The following ZDHHC1 variants were observed in gnomAD, a reference collection of about 807,000 sequenced individuals.
ZDHHC1 encodes the protein palmitoyltransferase ZDHHC1.
Under a neutral mutation model 46.9 loss-of-function variants are expected in ZDHHC1, and 45 were observed. The ratio of observed to expected loss-of-function variants is 0.96; its 90% CI spans 0.76 to 1.23. ZDHHC1 has a LOEUF of 1.23. Among genes scored for constraint, ZDHHC1 ranks in the 50% most tolerant of loss-of-function variants. The pLI is 0.00. For missense variants in ZDHHC1, 649 were observed against 670.8 expected, an observed-to-expected ratio of 0.97 and a Z score of 0.36; for synonymous variants, 291 against 286.0, an observed-to-expected ratio of 1.02 and a Z score of -0.18.
In ZDHHC1 at chr16:67,394,695, C is replaced by A; in HGVS notation, c.1364G>T (p.Arg455Leu). Residue 455 changes from arginine (R) to leucine (L), a missense_variant, in exon 12 of 12, where the codon CGG becomes CTG. Arg to Leu is a moderately radical substitution (Grantham distance 102). Coordinates refer to ENST00000565726, the MANE Select transcript of ZDHHC1 (RefSeq NM_001323627.2). ...GAAAACGGCGGGCGCACGCGCCTGC[C>A]GCGCCAGCGTGGGCTGTCGGCCCCG... ...RGRGRQPTLA[R>L]QARAPAVFVS... The A allele has an allele frequency of 7.8e-7, 1 of 1,290,086 alleles. No homozygotes were observed. The highest frequency in any genetic ancestry group is 2.4e-5 in the South Asian group (1 of 40,856). The allele number at this position is 1,290,086 out of a possible 1,614,324, so 79.9% of individuals were successfully genotyped here.
intron 1 of ZDHHC1, among the ~76,000 whole-genome samples, chr16:67,415,088 T>C (rs2040811713): frequency 6.6e-6 from 1 of 151,862 alleles, no homozygotes. Context: ...TGAGCCGAGA[T>C]TGTGCCATTG....
intron 2 of ZDHHC1, among the ~76,000 whole-genome samples, chr16:67,407,258 T>C (rs1419315234): frequency 6.6e-6 from 1 of 151,916 alleles, no homozygotes. Context: ...CAAGAAGGGG[T>C]AGGCTACAGG....
chr16:67,401,109 G>T lies in ZDHHC1; in HGVS notation c.276C>A (p.Gly92=). 2 of 1,614,002 alleles carry T rather than the reference G, an allele frequency of 1.2e-6. No individual in the cohort carries two copies. Among genetic ancestry groups the T allele is most frequent in the Non-Finnish European group, 1.7e-6 (2 of 1,180,020 alleles). ...CGGCGGTCAGGTGCACCACAAGGTG[G>T]CCAGCAAAGATGGCGCCCATGCACT... ...GYACMGAIFA[G]HLVVHLTAVS... Residue 92 remains glycine (G), a synonymous_variant, in exon 4 of 12, where the codon GGC becomes GGA. Coordinates refer to ENST00000565726, the MANE Select transcript of ZDHHC1 (RefSeq NM_001323627.2). The surrounding 1 kb of genome is among the most constrained non-coding windows in gnomAD (Gnocchi z 4.6).
chr16:67,400,853 T>C, intron 4 of ZDHHC1, 104 bp downstream of exon 4: 2 of 1,354,326 alleles, frequency 1.5e-6, no homozygotes, highest in African/African-American at 1.4e-5. Context: ...GCATAAAACA[T>C]GAGGGTTCTG....
At chr16:67,410,960 G>A (rs944932752) in intron 1 of ZDHHC1, among the ~76,000 whole-genome samples, 21 of 152,072 alleles carry the variant, frequency 1.4e-4, no homozygotes, top group African/African-American at 2.7e-4. Context: ...GAGCCACCAC[G>A]CCCTGCCTGC....
rs146786360 is a variant in ZDHHC1, at chr16:67,406,903, G to C, written c.10-461C>G. ...CCGCTATCCTTTGCTCAGGGAAACG[G>C]GGAATGGGGTGCCCAGAAGGAGGAT... On this transcript the variant is annotated intron_variant, in intron 2 of 11. Transcript: ENST00000565726. This position sits in a 1 kb window ranked among gnomAD's most constrained non-coding sequence, Gnocchi z 4.1. Among the ~76,000 whole-genome samples, 402 of 152,302 alleles carry C rather than the reference G, an allele frequency of 2.6e-3. 3 individuals carry two copies. Among genetic ancestry groups the C allele is most frequent in the African/African-American group, 9.3e-3 (387 of 41,572 alleles).
chr16:67,394,715 G>A lies in ZDHHC1; in HGVS notation c.1344C>T (p.Gly448=). The change falls in exon 12 of 12, where the codon GGC becomes GGT. Residue 448 remains glycine, a synonymous_variant. Transcript: ENST00000565726. Reference sequence around the variant, plus strand: ...CCTGCCGCGCCAGCGTGGGCTGTCGGCCCCGGCCCCGCGGGGCGGCCAGAG... The same window carrying A: ...CCTGCCGCGCCAGCGTGGGCTGTCGACCCCGGCCCCGCGGGGCGGCCAGAG... ...SAALAAPRGR[G]RQPTLARQAR... 2 of 1,362,778 alleles carry A rather than the reference G, an allele frequency of 1.5e-6. No individual in the cohort carries two copies. Among genetic ancestry groups the A allele is most frequent in the Non-Finnish European group, 1.9e-6 (2 of 1,063,072 alleles). The allele number at this position is 1,362,778 out of a possible 1,614,324, so 84.4% of individuals were successfully genotyped here. A position where few individuals can be genotyped will look rare whatever the true frequency, so the allele number is the denominator to read the frequency against.
At chr16:67,400,321 G>T (rs548909482) in intron 4 of ZDHHC1, among the ~76,000 whole-genome samples, 1 of 152,188 alleles carries the variant, frequency 6.6e-6, no homozygotes, top group Admixed American at 6.5e-5. Flanking sequence ...CTCCAGAAGG[G>T]TGGAGAGGGG....
At position 67,416,378 on chromosome 16, in the gene ZDHHC1, T is replaced by TGGCTCTGGCTCC. The variant is rs1555517287; in HGVS notation, c.-247_-246insGGAGCCAGAGCC. The TGGCTCTGGCTCC allele has an allele frequency of 9.9e-5, 20 of 202,738 alleles. No homozygotes were observed. Among genetic ancestry groups the TGGCTCTGGCTCC allele is most frequent in the Non-Finnish European group, 1.9e-4 (19 of 98,490 alleles). The allele number at this position is 202,738 out of a possible 1,614,324, so 12.6% of individuals were successfully genotyped here. ...CCGGTGAGTCCTCGAGCTCTGGCTC[T>TGGCTCTGGCTCC]GGCTCCGGCTCCGGCTCCGGCTCCG... On this transcript the variant is annotated 5_prime_UTR_variant, in exon 1 of 12. Coordinates refer to ENST00000565726, the MANE Select transcript of ZDHHC1 (RefSeq NM_001323627.2).
At chr16:67,399,481 G>C (rs956548034) in intron 4 of ZDHHC1, 25 bp from the exon 5 acceptor site, 1 of 1,588,860 alleles carries the variant, frequency 6.3e-7, no homozygotes, top group East Asian at 2.3e-5. Flanking sequence ...GGCACAGCGC[G>C]ATTGGCCGGC....
Position 67,406,203 on chromosome 16 carries a change from G to T in ZDHHC1, c.249C>A (p.Tyr83Ter), listed in dbSNP as rs199529796. The T allele has an allele frequency of 5.6e-6, 9 of 1,613,630 alleles. No individual in the cohort carries two copies. The highest frequency in any genetic ancestry group is 2.2e-5 in the East Asian group (1 of 44,888). ...CCCTACGCTTTCCCAAGGATACAGCGTAGCCAGCGGGCACCCAGTGGTGAG... is the reference window on the plus strand; with the variant it reads ...CCCTACGCTTTCCCAAGGATACAGCTTAGCCAGCGGGCACCCAGTGGTGAG... ...LLPHHWVPAG[Y>*]ACMGAIFAGH... Residue 83 changes from tyrosine (Y) to a stop codon, truncating the protein, a stop_gained, in exon 3 of 12, where the codon TAC becomes TAA. Coordinates refer to ENST00000565726, the MANE Select transcript of ZDHHC1 (RefSeq NM_001323627.2). LOFTEE classifies it high-confidence loss of function. This position sits in a 1 kb window ranked among gnomAD's most constrained non-coding sequence, Gnocchi z 4.1.
Position 67,401,381 on chromosome 16 carries a change from C to T in ZDHHC1, c.253-249G>A, listed in dbSNP as rs2040550832. Among the ~76,000 whole-genome samples the T allele has an allele frequency of 6.6e-6, 1 of 152,228 alleles. No individual in the cohort carries two copies. Among genetic ancestry groups the T allele is most frequent in the Non-Finnish European group, 1.5e-5 (1 of 68,040 alleles). Reference sequence around the variant, plus strand: ...ACAGCCAGCCAGCAGTGCCTGCTGTCGCCACCTAGGTGCCCAATCGCAGGG... The same window carrying T: ...ACAGCCAGCCAGCAGTGCCTGCTGTTGCCACCTAGGTGCCCAATCGCAGGG... On this transcript the variant is annotated intron_variant, in intron 3 of 11. Transcript: ENST00000565726. The surrounding 1 kb of genome is among the most constrained non-coding windows in gnomAD (Gnocchi z 4.6).
At chr16:67,405,672 TTCAACC>T (rs2040640522) in intron 3 of ZDHHC1, among the ~76,000 whole-genome samples, 1 of 152,168 alleles carries the variant, frequency 6.6e-6, no homozygotes, top group Non-Finnish European at 1.5e-5. Context: ...TCTTGTCACA[TTCAACC>T]TCACTCTAAA....
In ZDHHC1 at chr16:67,394,528, G is replaced by A. The variant is rs2040376543; in HGVS notation, c.*82C>T. On this transcript the variant is annotated 3_prime_UTR_variant, in exon 12 of 12. Transcript: ENST00000565726. Reference sequence around the variant, plus strand: ...CGCCGGCCGTAGGGGCCCCTAAAGTGCACTCGGTGCGGCAAGGATGGGGTG... The same window carrying A: ...CGCCGGCCGTAGGGGCCCCTAAAGTACACTCGGTGCGGCAAGGATGGGGTG... 1.8e-6 allele frequency: 2 copies of A among 1,108,582 alleles called. No individual in the cohort carries two copies. The highest frequency in any genetic ancestry group is 2.2e-6 in the Non-Finnish European group (2 of 907,072). The allele number at this position is 1,108,582 out of a possible 1,614,324, so 68.7% of individuals were successfully genotyped here.
intron 3 of ZDHHC1, among the ~76,000 whole-genome samples, chr16:67,403,193 C>T (rs893020052): frequency 2.0e-5 from 3 of 152,140 alleles, no homozygotes; most frequent in East Asian, 1.9e-4. Flanking sequence ...CTCCAGCTCA[C>T]GGCTGTCTTG....
rs763876620 is a variant in ZDHHC1 at position 67,401,023 on chromosome 16, A to G, written c.362T>C (p.Ile121Thr). 1.1e-5 allele frequency: 18 copies of G among 1,614,156 alleles called. No homozygotes were observed. Among genetic ancestry groups the G allele is most frequent in the Middle Eastern group, 1.7e-4 (1 of 6,060 alleles). The change falls in exon 4 of 12, where the codon ATC (isoleucine) becomes ACC (threonine). Residue 121 changes from isoleucine (I) to threonine (T), a missense_variant. Physicochemically the swap from Ile to Thr is moderately conservative, Grantham distance 89. Coordinates refer to ENST00000565726, the MANE Select transcript of ZDHHC1 (RefSeq NM_001323627.2). This position sits in a 1 kb window ranked among gnomAD's most constrained non-coding sequence, Gnocchi z 4.6. The part of the protein sequence containing the change: ...RDKSYAGPLP[I>T]FNRSQHAHVI... ...ATGTGCGTGCTGGCTTCGGTTGAAG[A>G]TGGGCAGGGGCCCCGCATAGCTCTT...
At chr16:67,409,208 GACTCCAAATCAGGATACCCCCTGAT>G (rs1281202316) in intron 1 of ZDHHC1, among the ~76,000 whole-genome samples, 1 of 151,780 alleles carries the variant, frequency 6.6e-6, no homozygotes, top group Non-Finnish European at 1.5e-5. Context: ...GGATGGCTCT[GACTCCAAATCAGGATACCCCCTGAT>G]ACTCCAAATC....
chr16:67,408,886 G>A (rs1372508764), intron 1 of ZDHHC1, among the ~76,000 whole-genome samples: 1 of 152,180 alleles, frequency 6.6e-6, no homozygotes, highest in Non-Finnish European at 1.5e-5. Context: ...TGATTGGGTT[G>A]GATGGTTCTG....
chr16:67,398,773 G>C, intron 6 of ZDHHC1, 42 bp from the exon 7 acceptor site: 3 of 1,611,988 alleles, frequency 1.9e-6, no homozygotes, highest in Non-Finnish European at 2.5e-6. Context: ...GGGACGTGAC[G>C]GGTGACCAGG....
Sources: gnomAD v4.1 joint callset for allele counts (sites outside exome capture counted in the v4.1 genomes callset) on GRCh38, gnomAD v4.1.1 for gene constraint, Gnocchi (gnomAD v3.1) non-coding constraint, MANE v1.5 for transcripts, NCBI Gene and HGNC (gene_info 2026-07-23, HGNC 2026-07-21) for gene names.